The following SHPRH variants were observed in gnomAD, a reference collection of about 807,000 sequenced individuals.
The protein encoded by SHPRH is SNF2 histone linker PHD RING helicase.
Under a neutral mutation model 202.5 loss-of-function variants are expected in SHPRH, and 106 were observed. The observed-to-expected ratio is 0.52, with a 90% CI of 0.45 to 0.62. The LOEUF is 0.62. Ranked by LOEUF, SHPRH falls within the 20% of genes least tolerant of loss-of-function variation. SHPRH has a pLI of 0.00. For synonymous variants in SHPRH, 729 were observed against 686.0 expected (o/e 1.06, Z -0.98); for missense variants, 1,710 against 2,020.0 (o/e 0.85, Z 2.94).
intron 25 of SHPRH, among the ~76,000 whole-genome samples, chr6:145,895,527 A>C (rs556112579): frequency 6.7e-6 from 1 of 148,624 alleles, no homozygotes; most frequent in South Asian, 2.1e-4. Flanking sequence ...CTAGACACTT[A>C]AAACTGTGTG....
intron 7 of SHPRH, 61 bp downstream of exon 7, chr6:145,946,172 G>C: frequency 8.1e-7 from 1 of 1,238,706 alleles, no homozygotes; most frequent in Non-Finnish European, 1.1e-6. Flanking sequence ...TCTAAGGATT[G>C]CAAGAACTCT....
chr6:145,886,530 C>A lies in SHPRH; in HGVS notation c.*161G>T. 1 of 1,289,926 alleles carries A rather than the reference C, an allele frequency of 7.8e-7. No homozygotes were observed. The highest frequency in any genetic ancestry group is 1.4e-5 in the South Asian group (1 of 71,478). The allele number at this position is 1,289,926 out of a possible 1,614,324, so 79.9% of individuals were successfully genotyped here. A position where few individuals can be genotyped will look rare whatever the true frequency, so the allele number is the denominator to read the frequency against. ...TGGAAACAGTATATTGAAAAGGACT[C>A]AATAAGTACTAAGCCACTGTATAAC... On this transcript the variant is annotated 3_prime_UTR_variant, in exon 30 of 30. Coordinates refer to ENST00000275233, the MANE Select transcript of SHPRH (RefSeq NM_001042683.3).
At chr6:145,866,455 G>A (rs888230151) in intron 2 of SHPRH, among the ~76,000 whole-genome samples, 1 of 152,222 alleles carries the variant, frequency 6.6e-6, no homozygotes, top group Non-Finnish European at 1.5e-5. Flanking sequence ...ATTAAGGGTT[G>A]AAAATGTGTC....
chr6:145,893,441 A>T (rs767942300), intron 27 of SHPRH, 48 bp from the exon 28 acceptor site: 1 of 1,507,858 alleles, frequency 6.6e-7, no homozygotes, highest in South Asian at 1.3e-5. Flanking sequence ...AGTTAAAATA[A>T]GAGCAGTATG....
chr6:145,940,422 T>C (rs1320362104), intron 11 of SHPRH, among the ~76,000 whole-genome samples: 1 of 143,114 alleles, frequency 7.0e-6, no homozygotes, highest in South Asian at 2.5e-4. Flanking sequence ...TTTCTACCTA[T>C]GACTTTGGAA....
chr6:145,915,628 GA>G (rs1480572142), intron 23 of SHPRH, among the ~76,000 whole-genome samples: 1 of 151,958 alleles, frequency 6.6e-6, no homozygotes, highest in Non-Finnish European at 1.5e-5. Context: ...GTTACATAGA[GA>G]AACTATGGAA....
chr6:145,890,857 C>G (rs531868326), intron 28 of SHPRH, among the ~76,000 whole-genome samples: 1 of 152,164 alleles, frequency 6.6e-6, no homozygotes, highest in Non-Finnish European at 1.5e-5. Flanking sequence ...CCTCTCATAC[C>G]CCATGTCTAG....
At chr6:145,926,843 CTTTTT>C (rs1582717764) in intron 15 of SHPRH, among the ~76,000 whole-genome samples, 2 of 151,854 alleles carry the variant, frequency 1.3e-5, no homozygotes, top group Non-Finnish European at 2.9e-5. Context: ...AGTTCCTTTT[CTTTTT>C]AATGAAAACC....
rs1259507059 is a variant in SHPRH at position 145,954,834 on chromosome 6, T to C, written c.489A>G (p.Gln163=). 1.2e-6 allele frequency: 2 copies of C among 1,613,868 alleles called. No homozygotes were observed. Among genetic ancestry groups the C allele is most frequent in the South Asian group, 2.2e-5 (2 of 91,070 alleles). The change falls in exon 2 of 30, where the codon CAA becomes CAG. Residue 163 remains glutamine, a synonymous_variant. Coordinates refer to ENST00000275233, the MANE Select transcript of SHPRH (RefSeq NM_001042683.3). ...VHSKGEDVEK[Q]KKEPMSICDK... ...CACAAATACTCATCGGTTCTTTTTTTTGTTTCTCTACATCTTCACCTTTTG... is the reference window on the plus strand; with the variant it reads ...CACAAATACTCATCGGTTCTTTTTTCTGTTTCTCTACATCTTCACCTTTTG...
intron 17 of SHPRH, among the ~76,000 whole-genome samples, chr6:145,924,016 G>T (rs1784652387): frequency 6.6e-6 from 1 of 151,740 alleles, no homozygotes; most frequent in Admixed American, 6.6e-5. Context: ...GGATAAATGG[G>T]AATTTATTGA....
At chr6:145,932,235 TA>T (rs1785541188) in intron 14 of SHPRH, among the ~76,000 whole-genome samples, 1 of 152,162 alleles carries the variant, frequency 6.6e-6, no homozygotes, top group East Asian at 1.9e-4. Context: ...GGTGTGTCTA[TA>T]TGGTGCTTAT....
intron 3 of SHPRH, 71 bp from the exon 4 acceptor site, chr6:145,950,553 A>T: frequency 6.9e-7 from 1 of 1,450,966 alleles, no homozygotes; most frequent in Non-Finnish European, 9.5e-7. Flanking sequence ...TCTTATTCTA[A>T]GAGCATACAA....
At chr6:145,889,856 G>A (rs1323130495) in intron 28 of SHPRH, among the ~76,000 whole-genome samples, 53 of 152,120 alleles carry the variant, frequency 3.5e-4, no homozygotes, top group Non-Finnish European at 1.0e-4. Flanking sequence ...AAAGAAAAGG[G>A]ACACTTCTGC....
intron 1 of SHPRH, among the ~76,000 whole-genome samples, chr6:145,961,305 G>A (rs1789066896): frequency 6.6e-6 from 1 of 152,104 alleles, no homozygotes. Context: ...TTGGAGAAGG[G>A]CCCAGGCACT....
At chr6:145,922,387 A>C in intron 19 of SHPRH, 39 bp from the exon 20 acceptor site, 1 of 1,538,160 alleles carries the variant, frequency 6.5e-7, no homozygotes, top group Non-Finnish European at 8.7e-7. Context: ...TCACAAACAT[A>C]ACCAGCAATC....
In SHPRH at chr6:145,922,755, C is replaced by T. The variant is rs1784530891; in HGVS notation, c.3627G>A (p.Glu1209=). ...ELNKCQKLVR[E]AVKNLEGPPS... is the part of the protein sequence containing the mutation. ...GAGGTCCCTCCAGGTTTTTTACAGCCTCTCTTACTAGCTTCTGGCATTTAT... is the reference window on the plus strand; with the variant it reads ...GAGGTCCCTCCAGGTTTTTTACAGCTTCTCTTACTAGCTTCTGGCATTTAT... The change falls in exon 19 of 30, where the codon GAG becomes GAA. Residue 1209 remains glutamate, a synonymous_variant. Transcript: ENST00000275233. 1 of 1,612,118 alleles carries T rather than the reference C, an allele frequency of 6.2e-7. No individual in the cohort carries two copies. Among genetic ancestry groups the T allele is most frequent in the Non-Finnish European group, 8.5e-7 (1 of 1,178,830 alleles).
intron 25 of SHPRH, among the ~76,000 whole-genome samples, chr6:145,897,800 AT>A (rs1782143081): frequency 3.9e-5 from 6 of 152,160 alleles, no homozygotes; most frequent in Admixed American, 3.9e-4. Context: ...TGCAGAAAAA[AT>A]ATCTGATAAA....
At chr6:145,919,224 A>C in intron 22 of SHPRH, 124 bp downstream of exon 22, 1 of 1,344,904 alleles carries the variant, frequency 7.4e-7, no homozygotes, top group East Asian at 2.5e-5. Flanking sequence ...GGTCAAATTA[A>C]AAATGGAGAT....
chr6:145,927,746 A>G lies in SHPRH; in HGVS notation c.3113-469T>C, dbSNP rs1785016274. 2.6e-5 allele frequency among the ~76,000 whole-genome samples: 4 copies of G among 152,078 alleles called. No homozygotes were observed. The South Asian group carries it at 8.3e-4, about 31-fold the overall frequency. On this transcript the variant is annotated intron_variant, in intron 14 of 29. Transcript: ENST00000275233. Reference sequence around the variant, plus strand: ...CCAACCCACACATAGCGATCAGAAAAATATAGTATTCTTGGTAGCTATTAT... The same window carrying G: ...CCAACCCACACATAGCGATCAGAAAGATATAGTATTCTTGGTAGCTATTAT...
Sources: gnomAD v4.1 joint callset for allele counts (sites outside exome capture counted in the v4.1 genomes callset) on GRCh38, gnomAD v4.1.1 for gene constraint, MANE v1.5 for transcripts, NCBI Gene and HGNC (gene_info 2026-07-23, HGNC 2026-07-21) for gene names.